SNTB1: variants seen among roughly 807,000 people sequenced by gnomAD.
SNTB1 encodes beta-1-syntrophin.
Under a neutral mutation model 48.9 loss-of-function variants are expected in SNTB1, and 36 were observed. That is an observed-to-expected ratio of 0.74 (90% CI 0.56 to 0.97). The LOEUF (loss-of-function observed/expected upper bound fraction) is 0.97. Among genes scored for constraint, SNTB1 ranks in the 50% least tolerant of loss-of-function variants. SNTB1 has a pLI of 0.00. For missense variants in SNTB1, 786 were observed against 703.4 expected (o/e 1.12, Z -1.33); for synonymous variants, 299 against 294.6 (o/e 1.01, Z -0.15).
rs1453771037 is a variant in SNTB1, at chr8:120,784,599, C to A, written c.571+26674G>T. On this transcript the variant is annotated intron_variant, in intron 1 of 6. Coordinates refer to ENST00000517992, the MANE Select transcript of SNTB1 (RefSeq NM_021021.4). ...CACACTAATCAGATCCCTTCTCTCT[C>A]CAGAATTTGGAATTGGAATATTCTT... 3.3e-5 allele frequency among the ~76,000 whole-genome samples: 5 copies of A among 152,080 alleles called. 1 individual carries two copies. The highest frequency in any genetic ancestry group is 5.9e-5 in the Non-Finnish European group (4 of 68,028).
chr8:120,788,094 A>T (rs916568071), intron 1 of SNTB1, among the ~76,000 whole-genome samples: 1 of 152,194 alleles, frequency 6.6e-6, no homozygotes, highest in Admixed American at 6.5e-5. Context: ...AAATAGAATA[A>T]CTGTCAGCCA....
chr8:120,606,686 G>T (rs1816526091), intron 3 of SNTB1, among the ~76,000 whole-genome samples: 1 of 152,140 alleles, frequency 6.6e-6, no homozygotes, highest in African/African-American at 2.4e-5. Context: ...AGTTGGTTTT[G>T]GTCTCACAGA....
Position 120,587,904 on chromosome 8 carries a change from C to T in SNTB1, c.997-12679G>A, listed in dbSNP as rs1816174703. 4.6e-5 allele frequency among the ~76,000 whole-genome samples: 7 copies of T among 152,284 alleles called. 1 individual carries two copies. The South Asian group carries it at 1.2e-3, about 27-fold the overall frequency. On this transcript the variant is annotated intron_variant, in intron 3 of 6. Coordinates refer to ENST00000517992, the MANE Select transcript of SNTB1 (RefSeq NM_021021.4). ...CAAAGGGCCATTTCAGTTAAAGTCT[C>T]TATTTGGTAAACAAGTTATCTTTGA...
At chr8:120,800,777 A>G (rs992324386) in intron 1 of SNTB1, among the ~76,000 whole-genome samples, 48 of 152,108 alleles carry the variant, frequency 3.2e-4, no homozygotes, top group African/African-American at 1.1e-3. Flanking sequence ...TAATAACTCT[A>G]AGAAATCTAA....
chr8:120,687,033 TC>T (rs1321055695), intron 2 of SNTB1, among the ~76,000 whole-genome samples: 1 of 152,154 alleles, frequency 6.6e-6, no homozygotes, highest in African/African-American at 2.4e-5. Context: ...AAAAAGTACC[TC>T]ATAAATCTTC....
At chr8:120,636,505 T>A (rs937374406) in intron 2 of SNTB1, among the ~76,000 whole-genome samples, 1 of 137,556 alleles carries the variant, frequency 7.3e-6, no homozygotes, top group African/African-American at 2.7e-5. Flanking sequence ...TGGTTTTTTG[T>A]TCTTGCGATA....
At chr8:120,796,775 G>C (rs1820125725) in intron 1 of SNTB1, among the ~76,000 whole-genome samples, 1 of 151,988 alleles carries the variant, frequency 6.6e-6, no homozygotes, top group Non-Finnish European at 1.5e-5. Flanking sequence ...TAAGTCTCAG[G>C]ATTCTTCCCT....
chr8:120,714,569 A>G (rs529738314), intron 1 of SNTB1, among the ~76,000 whole-genome samples: 23 of 152,148 alleles, frequency 1.5e-4, no homozygotes, highest in Admixed American at 6.5e-4. Context: ...CCCAAAGATT[A>G]TTTGCAAGAA....
chr8:120,750,496 T>C (rs751739855), intron 1 of SNTB1, among the ~76,000 whole-genome samples: 2 of 152,164 alleles, frequency 1.3e-5, no homozygotes, highest in Non-Finnish European at 2.9e-5. Flanking sequence ...AAATTTGTCT[T>C]TTCATATTCA....
At chr8:120,581,514 G>A (rs1300152855) in intron 3 of SNTB1, among the ~76,000 whole-genome samples, 1 of 152,102 alleles carries the variant, frequency 6.6e-6, no homozygotes, top group African/African-American at 2.4e-5. Flanking sequence ...TGAGGCATGA[G>A]AATCGCTTGA....
chr8:120,538,093 A>G lies in SNTB1; in HGVS notation c.*784T>C, dbSNP rs1478334324. On this transcript the variant is annotated 3_prime_UTR_variant, in exon 7 of 7. Transcript: ENST00000517992. Reference sequence around the variant, plus strand: ...ATAAATAAAGCTGTAATTCTTGGCTATAAGACAGCAGACCTTGGTGTGAGT... The same window carrying G: ...ATAAATAAAGCTGTAATTCTTGGCTGTAAGACAGCAGACCTTGGTGTGAGT... 1 of 152,482 alleles carries G rather than the reference A, an allele frequency of 6.6e-6. No homozygotes were observed. The highest frequency in any genetic ancestry group is 2.4e-5 in the African/African-American group (1 of 41,458). 9.4% of individuals were successfully genotyped at this position (152,482 alleles called of 1,614,324 possible).
intron 2 of SNTB1, among the ~76,000 whole-genome samples, chr8:120,647,001 C>A (rs993816582): frequency 2.0e-5 from 3 of 151,398 alleles, no homozygotes; most frequent in East Asian, 1.9e-4. Context: ...TCTGTGGGAT[C>A]GATGGTGATA....
chr8:120,651,262 C>A (rs528046123), intron 2 of SNTB1, among the ~76,000 whole-genome samples: 30 of 152,292 alleles, frequency 2.0e-4, no homozygotes, highest in African/African-American at 7.0e-4. Context: ...AAAGGTTATA[C>A]AAAGGCTCTT....
intron 1 of SNTB1, among the ~76,000 whole-genome samples, chr8:120,806,869 T>C (rs1820344221): frequency 6.6e-6 from 1 of 152,222 alleles, no homozygotes; most frequent in South Asian, 2.1e-4. Context: ...CCAATCCTGA[T>C]ATTTTATTCC....
chr8:120,562,108 T>A (rs1815670487), intron 4 of SNTB1, among the ~76,000 whole-genome samples: 1 of 152,210 alleles, frequency 6.6e-6, no homozygotes, highest in Non-Finnish European at 1.5e-5. Context: ...AAATGCAGAG[T>A]CAAATATGTC....
chr8:120,715,746 CT>C (rs1044430091), intron 1 of SNTB1, among the ~76,000 whole-genome samples: 13 of 152,132 alleles, frequency 8.5e-5, no homozygotes, highest in South Asian at 2.1e-4. Context: ...TTCTCCTTTC[CT>C]TTTTTTCCCC....
intron 2 of SNTB1, among the ~76,000 whole-genome samples, chr8:120,673,451 C>G (rs534855563): frequency 6.6e-6 from 1 of 152,012 alleles, no homozygotes; most frequent in South Asian, 2.1e-4. Flanking sequence ...TCACCATGCC[C>G]AGTTAATTTT....
At chr8:120,637,223 A>G (rs1295406163) in intron 2 of SNTB1, 1 of 344,250 alleles carries the variant, frequency 2.9e-6, no homozygotes. Flanking sequence ...CAGTCACAGG[A>G]TTCTACCATA....
chr8:120,769,938 C>T (rs1819590287), intron 1 of SNTB1, among the ~76,000 whole-genome samples: 1 of 152,202 alleles, frequency 6.6e-6, no homozygotes, highest in African/African-American at 2.4e-5. Context: ...AACTCAAAAA[C>T]AAGTTTGCTG....
Sources: allele counts gnomAD v4.1 joint callset (sites outside exome capture counted in the v4.1 genomes callset), GRCh38; gene constraint gnomAD v4.1.1; transcripts MANE v1.5; gene names NCBI Gene and HGNC (gene_info 2026-07-23, HGNC 2026-07-21).